Variants in PILRA observed in about 807,000 individuals in gnomAD.
PILRA encodes the protein paired immunoglobin like type 2 receptor alpha, also known as paired immunoglobulin-like type 2 receptor alpha.
PILRA carries 37 observed loss-of-function variants against 33.1 expected under a neutral mutation model. The ratio of observed to expected loss-of-function variants is 1.12; its 90% CI spans 0.86 to 1.47. The LOEUF (loss-of-function observed/expected upper bound fraction) is 1.47, where lower values mean the gene tolerates loss of function less well. PILRA is among the 40% of genes most tolerant of loss of function. The probability of loss-of-function intolerance (pLI) is 0.00; values close to 1 mark genes in which losing one functional copy is unlikely to be tolerated. For missense variants in PILRA, 312 were observed against 376.2 expected, an observed-to-expected ratio of 0.83 and a Z score of 1.41; for synonymous variants, 146 against 149.9, an observed-to-expected ratio of 0.97 and a Z score of 0.19.
At chr7:100,393,405 C>T (rs1791429344) in intron 3 of PILRA, among the ~76,000 whole-genome samples, 1 of 151,906 alleles carries the variant, frequency 6.6e-6, no homozygotes, top group Non-Finnish European at 1.5e-5. Context: ...GAAAGTTTGA[C>T]ATAGTCACTG....
intron 2 of PILRA, among the ~76,000 whole-genome samples, chr7:100,379,622 T>A (rs1477493367): frequency 7.0e-6 from 1 of 142,848 alleles, no homozygotes; most frequent in Non-Finnish European, 1.5e-5. Flanking sequence ...GAACCGAGAT[T>A]GCACCACTGC....
chr7:100,389,951 C>A lies in PILRA; in HGVS notation c.518C>A (p.Thr173Asn). ...MTTTWRLSST[T>N]TTTGLRVTQG... ...ACCACCTGGAGGCTCAGTAGCACAA[C>A]CACCACAACCGGCCTCAGGGTCACA... The change falls in exon 3 of 7, where the codon ACC becomes AAC. Residue 173 changes from threonine (T) to asparagine (N), a missense_variant. Thr to Asn is a moderately conservative substitution (Grantham distance 65, BLOSUM62 0). Transcript: ENST00000198536. 1 of 1,614,090 alleles carries A rather than the reference C, an allele frequency of 6.2e-7. No individual in the cohort carries two copies. The highest frequency in any genetic ancestry group is 8.5e-7 in the Non-Finnish European group (1 of 1,179,990).
At chr7:100,391,858 T>A (rs775462254) in intron 3 of PILRA, among the ~76,000 whole-genome samples, 5 of 152,206 alleles carry the variant, frequency 3.3e-5, no homozygotes, top group African/African-American at 4.8e-5. Context: ...TGGGATCTGT[T>A]ACACTGGAGA....
intron 2 of PILRA, chr7:100,376,478 A>AAG (rs1295899634): frequency 6.8e-6 from 1 of 147,296 alleles, no homozygotes; most frequent in Non-Finnish European, 1.5e-5. Flanking sequence ...AAAGAGAAAA[A>AAG]AGTGTTTTTT....
In PILRA at chr7:100,374,378, C is replaced by A. The variant is rs755014519; in HGVS notation, c.399C>A (p.Ser133Arg). ...YFCRVELDTR[S>R]SGRQQWQSIE... is the part of the protein sequence containing the mutation. ...GCCGAGTTGAGCTGGACACACGGAG[C>A]TCAGGGAGGCAGCAGTGGCAGTCCA... The change falls in exon 2 of 7, where the codon AGC (serine) becomes AGA (arginine). Residue 133 changes from serine to arginine, a missense_variant. Physicochemically the swap from Ser to Arg is moderately radical, Grantham distance 110 (BLOSUM62 -1). Transcript: ENST00000198536. 6.2e-6 allele frequency: 10 copies of A among 1,613,992 alleles called. No homozygotes were observed. Among genetic ancestry groups the A allele is most frequent in the South Asian group, 4.4e-5 (4 of 91,092 alleles).
chr7:100,394,948 A>G (rs2130234519), intron 3 of PILRA, among the ~76,000 whole-genome samples: 1 of 152,334 alleles, frequency 6.6e-6, no homozygotes, highest in East Asian at 1.9e-4. Context: ...CAAGCCACAA[A>G]AGAAAAAATA....
intron 3 of PILRA, among the ~76,000 whole-genome samples, chr7:100,397,060 G>A (rs1415322299): frequency 6.6e-6 from 1 of 150,760 alleles, no homozygotes; most frequent in East Asian, 1.9e-4. Context: ...GAAGAGTGCT[G>A]GAAAGAAAGC....
In PILRA at chr7:100,373,682, T is replaced by G; in HGVS notation, c.26T>G (p.Leu9Arg). Reference protein sequence around the residue: MGRPLLLPLLPLLLPPAFL... With the variant: MGRPLLLPRLPLLLPPAFL... ...ATGGGTCGGCCCCTGCTGCTGCCCC[T>G]ACTGCCCTTGCTGCTGCCGCCAGCA... is the stretch of plus-strand genomic sequence containing the variant. Residue 9 changes from leucine (L) to arginine (R), a missense_variant, in exon 1 of 7, where the codon CTA becomes CGA. By Grantham distance (102) the Leu-to-Arg change is moderately radical. Coordinates refer to ENST00000198536, the MANE Select transcript of PILRA (RefSeq NM_013439.3). The G allele has an allele frequency of 6.2e-7, 1 of 1,613,158 alleles. No individual in the cohort carries two copies. Among genetic ancestry groups the G allele is most frequent in the Non-Finnish European group, 8.5e-7 (1 of 1,179,600 alleles).
rs142819260 is a variant in PILRA, at chr7:100,374,229, A to G, written c.250A>G (p.Thr84Ala). 1 of 1,614,018 alleles carries G rather than the reference A, an allele frequency of 6.2e-7. No homozygotes were observed. The highest frequency in any genetic ancestry group is 1.3e-5 in the African/African-American group (1 of 74,900). The change falls in exon 2 of 7, where the codon ACA becomes GCA. Residue 84 changes from threonine to alanine, a missense_variant. Thr to Ala is a moderately conservative substitution (Grantham distance 58, BLOSUM62 0). Coordinates refer to ENST00000198536, the MANE Select transcript of PILRA (RefSeq NM_013439.3). ...CTTCCACAGGCAGTCCTTCTACAGC[A>G]CAAGGCCGCCTTCCATTCACAAGGA... is the stretch of plus-strand genomic sequence containing the variant. The part of the protein sequence containing the change: ...GHFHRQSFYS[T>A]RPPSIHKDYV...
Position 100,399,402 on chromosome 7 carries a change from A to G in PILRA, c.757+62A>G, listed in dbSNP as rs181770663. On this transcript the variant is annotated intron_variant, in intron 5 of 6. Transcript: ENST00000198536. ...CCTGGCACTTCCTGTTTCCCCAAAT[A>G]CCCCCTACCTGGGTCCGTGCCCCTG... The G allele has an allele frequency of 2.9e-5, 42 of 1,464,396 alleles. No homozygotes were observed. In the African/African-American group the frequency reaches 5.8e-4, roughly 20 times the overall value. 90.7% of individuals were successfully genotyped at this position (1,464,396 alleles called of 1,614,324 possible).
chr7:100,389,868 C>G lies in PILRA; in HGVS notation c.455-20C>G. On this transcript the variant is annotated intron_variant, in intron 2 of 6. Coordinates refer to ENST00000198536, the MANE Select transcript of PILRA (RefSeq NM_013439.3). ...CTGTGCCCCCAGGGGAGGGTCTGCT[C>G]ATTCCTCATCTCTCCCCAGCTGTCA... 6.2e-7 allele frequency: 1 copy of G among 1,606,962 alleles called. No homozygotes were observed. Among genetic ancestry groups the G allele is most frequent in the Non-Finnish European group, 8.5e-7 (1 of 1,173,938 alleles).
chr7:100,384,047 C>T (rs559784992), intron 2 of PILRA, among the ~76,000 whole-genome samples: 32 of 152,082 alleles, frequency 2.1e-4, no homozygotes, highest in Admixed American at 1.2e-3. Flanking sequence ...CTTGGCTTAG[C>T]GAGATGGCAG....
chr7:100,378,187 A>G (rs1300644558), intron 2 of PILRA, among the ~76,000 whole-genome samples: 16 of 143,278 alleles, frequency 1.1e-4, no homozygotes, highest in Non-Finnish European at 1.5e-5. Flanking sequence ...CCCATCTCTA[A>G]AAAAAAAAAA....
chr7:100,376,638 G>A (rs1316633986), intron 2 of PILRA, among the ~76,000 whole-genome samples: 7 of 150,598 alleles, frequency 4.6e-5, no homozygotes, highest in African/African-American at 1.5e-4. Context: ...CCACCATCAT[G>A]CCAGGCTAAC....
chr7:100,395,375 A>G (rs576732615), intron 3 of PILRA, among the ~76,000 whole-genome samples: 56 of 152,308 alleles, frequency 3.7e-4, no homozygotes, highest in African/African-American at 1.3e-3. Flanking sequence ...GTGAGGACAC[A>G]GTAATCCTCC....
At position 100,379,162 on chromosome 7, in the gene PILRA, T is replaced by TG. The variant is rs199949499; in HGVS notation, c.454+4731dup. ...TTTCTGCCTGTAATCCCAGCACTTT[T>TG]GGAGGCTCAGGTGGGCTGATCACCT... is the stretch of plus-strand genomic sequence containing the variant. On this transcript the variant is annotated intron_variant, in intron 2 of 6. Transcript: ENST00000198536. 9.3e-3 allele frequency among the ~76,000 whole-genome samples: 1,395 copies of TG among 150,382 alleles called. 25 individuals carry two copies. Among genetic ancestry groups the TG allele is most frequent in the African/African-American group, 0.032 (1,315 of 40,882 alleles).
At chr7:100,386,407 G>A (rs1373022927) in intron 2 of PILRA, among the ~76,000 whole-genome samples, 2 of 152,206 alleles carry the variant, frequency 1.3e-5, no homozygotes, top group Middle Eastern at 3.4e-3. Context: ...GGGAGGCTGA[G>A]ACACGAGAAT....
chr7:100,397,627 G>A lies in PILRA; in HGVS notation c.674-252G>A, dbSNP rs1791527608. On this transcript the variant is annotated intron_variant, in intron 3 of 6. Transcript: ENST00000198536. ...GGTTGGGGCTGAGCAGAGAGCTCAA[G>A]AGAGAAAGAAACCAAGGGAGGGGGT... 2.0e-5 allele frequency among the ~76,000 whole-genome samples: 3 copies of A among 152,118 alleles called. No homozygotes were observed. In the South Asian group the frequency reaches 6.2e-4, roughly 32 times the overall value.
intron 2 of PILRA, among the ~76,000 whole-genome samples, chr7:100,384,907 C>T (rs759190435): frequency 6.6e-6 from 1 of 152,130 alleles, no homozygotes; most frequent in Non-Finnish European, 1.5e-5. Context: ...GAGAAATCAA[C>T]AGAGACGTCT....
Sources: allele counts gnomAD v4.1 joint callset (sites outside exome capture counted in the v4.1 genomes callset), GRCh38; gene constraint gnomAD v4.1.1; transcripts MANE v1.5; gene names NCBI Gene and HGNC (gene_info 2026-07-23, HGNC 2026-07-21).